The following HIPK2 variants were observed in gnomAD, a reference collection of about 807,000 sequenced individuals.
The protein encoded by HIPK2 is homeodomain-interacting protein kinase 2.
A neutral mutation model predicts 113.7 loss-of-function variants in HIPK2; 27 were observed. The ratio of observed to expected loss-of-function variants is 0.24; its 90% confidence interval spans 0.17 to 0.33. The LOEUF is 0.33. Among genes scored for constraint, HIPK2 ranks in the 10% least tolerant of loss-of-function variants. The pLI is 1.00. For synonymous variants in HIPK2, 631 were observed against 642.2 expected (o/e 0.98, Z 0.26); for missense variants, 1,257 against 1,588.0 (o/e 0.79, Z 3.54).
chr7:139,670,883 C>A (rs970877056), intron 2 of HIPK2, among the ~76,000 whole-genome samples: 2 of 150,974 alleles, frequency 1.3e-5, no homozygotes, highest in Non-Finnish European at 2.9e-5. Flanking sequence ...GCCTCAGCCA[C>A]CCTAGTGGCG....
chr7:139,764,502 A>C (rs1422302396), intron 1 of HIPK2, among the ~76,000 whole-genome samples: 1 of 152,244 alleles, frequency 6.6e-6, no homozygotes, highest in Non-Finnish European at 1.5e-5. Context: ...GGGTGACAGA[A>C]GGTGCCATTT....
At chr7:139,663,071 G>A (rs1002002548) in intron 2 of HIPK2, among the ~76,000 whole-genome samples, 2 of 152,094 alleles carry the variant, frequency 1.3e-5, no homozygotes, top group African/African-American at 2.4e-5. Flanking sequence ...GCTCCTTTCT[G>A]TCCATGACCT....
At chr7:139,691,643 C>T (rs1044382421) in intron 2 of HIPK2, among the ~76,000 whole-genome samples, 4 of 152,218 alleles carry the variant, frequency 2.6e-5, no homozygotes, top group Non-Finnish European at 4.4e-5. Context: ...AGTGAGCTGC[C>T]CCACAGCAGC....
chr7:139,673,222 G>A (rs927316965), intron 2 of HIPK2, among the ~76,000 whole-genome samples: 7 of 151,826 alleles, frequency 4.6e-5, no homozygotes, highest in Admixed American at 1.3e-4. Context: ...TGCAGATTAC[G>A]AACTGGGAAT....
Position 139,717,579 on chromosome 7 carries a change from T to C in HIPK2, c.20-564A>G, listed in dbSNP as rs556576576. ...TCTGTAGGGTTTAGTGGATCAGCAG[T>C]TGGTCTGACGTTTTTCATTTCAACA... On this transcript the variant is annotated intron_variant, in intron 1 of 14. Coordinates refer to ENST00000406875, the MANE Select transcript of HIPK2 (RefSeq NM_022740.5). Among the ~76,000 whole-genome samples, 5 of 152,294 alleles carry C rather than the reference T, an allele frequency of 3.3e-5. No individual in the cohort carries two copies. The South Asian group carries it at 1.0e-3, about 32-fold the overall frequency.
At chr7:139,574,890 A>G (rs1259828685) in intron 14 of HIPK2, among the ~76,000 whole-genome samples, 1 of 152,138 alleles carries the variant, frequency 6.6e-6, no homozygotes, top group Non-Finnish European at 1.5e-5. Context: ...GCTTTGTAAC[A>G]TTAGACAAGT....
chr7:139,764,043 T>C lies in HIPK2; in HGVS notation c.19+13562A>G, dbSNP rs1796513765. 2.0e-5 allele frequency among the ~76,000 whole-genome samples: 3 copies of C among 152,240 alleles called. No homozygotes were observed. In the South Asian group the frequency reaches 6.2e-4, roughly 32 times the overall value. On this transcript the variant is annotated intron_variant, in intron 1 of 14. Coordinates refer to ENST00000406875, the MANE Select transcript of HIPK2 (RefSeq NM_022740.5). ...CACAAGAAGACTGTGATGTGCCTTATGAGAAACGCATGTGTTAGATAAGCT... is the reference window on the plus strand; with the variant it reads ...CACAAGAAGACTGTGATGTGCCTTACGAGAAACGCATGTGTTAGATAAGCT...
At chr7:139,722,282 A>T (rs1795434679) in intron 1 of HIPK2, among the ~76,000 whole-genome samples, 1 of 152,256 alleles carries the variant, frequency 6.6e-6, no homozygotes, top group African/African-American at 2.4e-5. Flanking sequence ...TAGAAGAATT[A>T]AAGTCCACTA....
intron 8 of HIPK2, 85 bp downstream of exon 8, chr7:139,614,201 G>A (rs1799937964): frequency 8.4e-7 from 1 of 1,183,534 alleles, no homozygotes; most frequent in African/African-American, 1.6e-5. Context: ...CCATGAAAAT[G>A]AGCGTGACAG....
chr7:139,769,343 C>T (rs1465594086), intron 1 of HIPK2, among the ~76,000 whole-genome samples: 1 of 152,276 alleles, frequency 6.6e-6, no homozygotes, highest in Non-Finnish European at 1.5e-5. Context: ...GGCCTACCAG[C>T]ATGGCCCACC....
At chr7:139,595,533 G>A (rs1799175793) in intron 12 of HIPK2, among the ~76,000 whole-genome samples, 1 of 152,164 alleles carries the variant, frequency 6.6e-6, no homozygotes, top group Non-Finnish European at 1.5e-5. Flanking sequence ...CTGGCACAAT[G>A]CTACGGCCAC....
chr7:139,585,630 T>C lies in HIPK2; in HGVS notation c.2718-1566A>G, dbSNP rs372330712. ...CTCATCAGTAAAAGGTAGGTAATAA[T>C]TGTACCTATATCATAGGCTTGTTTT... is the stretch of plus-strand genomic sequence containing the variant. On this transcript the variant is annotated intron_variant, in intron 12 of 14. Transcript: ENST00000406875. 1.1e-3 allele frequency among the ~76,000 whole-genome samples: 169 copies of C among 152,292 alleles called. 2 individuals are homozygous for C. In the South Asian group the frequency reaches 0.031, roughly 28 times the overall value.
At chr7:139,590,084 C>T (rs867159653) in intron 12 of HIPK2, among the ~76,000 whole-genome samples, 3 of 152,274 alleles carry the variant, frequency 2.0e-5, no homozygotes, top group Middle Eastern at 3.4e-3. Context: ...CAGATGACTA[C>T]GGCAGATTCT....
At chr7:139,721,766 T>A (rs1252915572) in intron 1 of HIPK2, among the ~76,000 whole-genome samples, 1 of 152,152 alleles carries the variant, frequency 6.6e-6, no homozygotes, top group Non-Finnish European at 1.5e-5. Flanking sequence ...GGGGGACTAC[T>A]GGACTTGGGA....
Position 139,614,431 on chromosome 7 carries a change from G to A in HIPK2, c.1845C>T (p.Tyr615=). 1 of 1,544,708 alleles carries A rather than the reference G, an allele frequency of 6.5e-7. No individual in the cohort carries two copies. The highest frequency in any genetic ancestry group is 8.8e-7 in the Non-Finnish European group (1 of 1,138,972). The change falls in exon 8 of 15, where the codon TAC becomes TAT. Residue 615 remains tyrosine, a synonymous_variant. Transcript: ENST00000406875. The part of the protein sequence containing the change: ...LANPEVSILN[Y]PSTLYQPSAA... ...CTGAGGGCTGGTAGAGTGTAGATGG[G>A]TAGTTTAGTATGGAGACTTCGGGAT...
chr7:139,580,265 G>A (rs1157823836), intron 13 of HIPK2, among the ~76,000 whole-genome samples: 3 of 152,146 alleles, frequency 2.0e-5, no homozygotes, highest in Non-Finnish European at 4.4e-5. Flanking sequence ...CACTGAGCTC[G>A]AGGGATCAGT....
chr7:139,726,222 A>G (rs763820404), intron 1 of HIPK2, among the ~76,000 whole-genome samples: 1 of 152,238 alleles, frequency 6.6e-6, no homozygotes, highest in Non-Finnish European at 1.5e-5. Context: ...GGCCTTGAGT[A>G]AGAAGAGCCG....
chr7:139,564,223 G>A lies in HIPK2; in HGVS notation c.*8704C>T. On this transcript the variant is annotated 3_prime_UTR_variant, in exon 15 of 15. Transcript: ENST00000406875. ...AGGGGAAAACGAATAAATGACAGCAGATATATGGAAAACCCAGCCAGCGAC... is the reference window on the plus strand; with the variant it reads ...AGGGGAAAACGAATAAATGACAGCAAATATATGGAAAACCCAGCCAGCGAC... 1 of 317,804 alleles carries A rather than the reference G, an allele frequency of 3.1e-6. No individual in the cohort carries two copies. The allele number at this position is 317,804 out of a possible 1,614,324, so 19.7% of individuals were successfully genotyped here.
At chr7:139,664,960 A>C (rs1400515913) in intron 2 of HIPK2, among the ~76,000 whole-genome samples, 3 of 152,104 alleles carry the variant, frequency 2.0e-5, no homozygotes, top group Admixed American at 2.0e-4. Context: ...GAGTGTCTCT[A>C]ACACCACCAT....
Sources: gnomAD v4.1 joint callset for allele counts (sites outside exome capture counted in the v4.1 genomes callset) on GRCh38, gnomAD v4.1.1 for gene constraint, MANE v1.5 for transcripts, NCBI Gene and HGNC (gene_info 2026-07-23, HGNC 2026-07-21) for gene names.